LPP: variants seen among roughly 807,000 people sequenced by gnomAD.
LPP encodes LIM domain containing preferred translocation partner in lipoma.
In LPP, 38 loss-of-function variants were observed where a neutral mutation model predicts 60.4. The ratio of observed to expected loss-of-function variants is 0.63; its 90% CI spans 0.49 to 0.83. The LOEUF is 0.83. LPP is among the 40% of genes least tolerant of loss of function. LPP has a pLI of 0.00. For missense variants in LPP, 902 were observed against 783.6 expected (o/e 1.15, Z -1.80); for synonymous variants, 328 against 290.8 (o/e 1.13, Z -1.30).
intron 8 of LPP, among the ~76,000 whole-genome samples, chr3:188,734,283 T>A (rs1721719558): frequency 6.6e-6 from 1 of 152,244 alleles, no homozygotes; most frequent in Non-Finnish European, 1.5e-5. Flanking sequence ...CAGAAACTTA[T>A]TTCTAAATTA....
At chr3:188,240,583 T>A (rs544331717) in intron 2 of LPP, among the ~76,000 whole-genome samples, 2 of 152,302 alleles carry the variant, frequency 1.3e-5, no homozygotes, top group South Asian at 2.1e-4. Context: ...ATTCCACTGT[T>A]ATTGAGTAGT....
At chr3:188,246,410 T>C (rs1471633007) in intron 2 of LPP, among the ~76,000 whole-genome samples, 1 of 152,222 alleles carries the variant, frequency 6.6e-6, no homozygotes, top group East Asian at 1.9e-4. Context: ...TCTCTGCCCC[T>C]TCTCATATCC....
intron 6 of LPP, among the ~76,000 whole-genome samples, chr3:188,542,269 A>G (rs1282257776): frequency 1.3e-5 from 2 of 152,222 alleles, no homozygotes; most frequent in African/African-American, 4.8e-5. Flanking sequence ...CACATTGTAC[A>G]TTAAAGTGCT....
At chr3:188,539,599 C>G (rs1360202216) in intron 6 of LPP, among the ~76,000 whole-genome samples, 1 of 152,106 alleles carries the variant, frequency 6.6e-6, no homozygotes, top group Admixed American at 6.6e-5. Flanking sequence ...AAATGACACT[C>G]TGGTATTTAC....
intron 2 of LPP, among the ~76,000 whole-genome samples, chr3:188,340,274 G>C (rs1762695159): frequency 6.6e-6 from 1 of 152,112 alleles, no homozygotes; most frequent in African/African-American, 2.4e-5. Context: ...GGAATGGTTT[G>C]AGACATAATG....
At chr3:188,559,031 G>A (rs1830096075) in intron 6 of LPP, among the ~76,000 whole-genome samples, 1 of 152,064 alleles carries the variant, frequency 6.6e-6, no homozygotes, top group African/African-American at 2.4e-5. Context: ...TCTAATGCCT[G>A]CACTGCCTCT....
At chr3:188,313,593 C>T (rs1368379915) in intron 2 of LPP, among the ~76,000 whole-genome samples, 5 of 150,630 alleles carry the variant, frequency 3.3e-5, no homozygotes, top group South Asian at 4.2e-4. Context: ...GCCAAGATCC[C>T]GCCACTGCAC....
chr3:188,203,554 T>A (rs1394896166), intron 1 of LPP, among the ~76,000 whole-genome samples: 1 of 101,296 alleles, frequency 9.9e-6, no homozygotes, highest in African/African-American at 4.0e-5. Context: ...TATATATTTT[T>A]AAATATATAT....
chr3:188,693,408 G>A (rs1287526159), intron 7 of LPP, among the ~76,000 whole-genome samples: 1 of 152,144 alleles, frequency 6.6e-6, no homozygotes, highest in Non-Finnish European at 1.5e-5. Context: ...ACCAGGCTTT[G>A]CATAAGGCCC....
At chr3:188,213,939 T>G (rs1410950248) in intron 1 of LPP, among the ~76,000 whole-genome samples, 2 of 139,204 alleles carry the variant, frequency 1.4e-5, no homozygotes, top group Non-Finnish European at 3.1e-5. Flanking sequence ...CAAAGGTGAG[T>G]CCTGATTCTG....
intron 2 of LPP, among the ~76,000 whole-genome samples, chr3:188,324,348 A>G (rs572492020): frequency 6.6e-6 from 1 of 152,086 alleles, no homozygotes; most frequent in Non-Finnish European, 1.5e-5. Context: ...TCCAACGTTC[A>G]TCACCTCCTG....
In LPP at chr3:188,287,010, C is replaced by T. The variant is rs139388719; in HGVS notation, c.-66-54653C>T. 3.8e-3 allele frequency among the ~76,000 whole-genome samples: 578 copies of T among 152,298 alleles called. 3 individuals are homozygous for T. The highest frequency in any genetic ancestry group is 0.013 in the African/African-American group (557 of 41,558). On this transcript the variant is annotated intron_variant, in intron 2 of 11. Coordinates refer to ENST00000617246, the MANE Select transcript of LPP (RefSeq NM_001375462.1). ...CCTCCTCCCAGCTTCAAGCAATTCT[C>T]CTGTCTCAGCCTCCCAAGTAGCTGG...
intron 5 of LPP, among the ~76,000 whole-genome samples, chr3:188,506,509 T>A (rs1441803063): frequency 6.6e-6 from 1 of 152,180 alleles, no homozygotes; most frequent in Non-Finnish European, 1.5e-5. Flanking sequence ...TAAAATAACA[T>A]GGGAGACTTG....
chr3:188,889,804 A>G lies in LPP; in HGVS notation c.*15325A>G, dbSNP rs1771059355. On this transcript the variant is annotated 3_prime_UTR_variant, in exon 12 of 12. Transcript: ENST00000617246. Reference sequence around the variant, plus strand: ...GGATGAATCCAGTTGACTCTTTGGCAAAAGGGTGATACTTTTCACTAAAAA... The same window carrying G: ...GGATGAATCCAGTTGACTCTTTGGCGAAAGGGTGATACTTTTCACTAAAAA... 2 of 215,466 alleles carry G rather than the reference A, an allele frequency of 9.3e-6. No homozygotes were observed. Among genetic ancestry groups the G allele is most frequent in the Non-Finnish European group, 1.9e-5 (2 of 106,874 alleles). 13.3% of individuals were successfully genotyped at this position (215,466 alleles called of 1,614,324 possible). A position where few individuals can be genotyped will look rare whatever the true frequency, so the allele number is the denominator to read the frequency against.
At chr3:188,309,701 A>G (rs1291403740) in intron 2 of LPP, among the ~76,000 whole-genome samples, 3 of 152,190 alleles carry the variant, frequency 2.0e-5, no homozygotes, top group Non-Finnish European at 4.4e-5. Flanking sequence ...TGCCTGTATA[A>G]TATTCATGAA....
chr3:188,155,228 C>G (rs899951857), intron 1 of LPP, among the ~76,000 whole-genome samples: 9 of 152,114 alleles, frequency 5.9e-5, no homozygotes, highest in Admixed American at 4.6e-4. Flanking sequence ...GGCTTCCCTT[C>G]CCTTAGAAGG....
rs149595771 is a variant in LPP, at chr3:188,538,072, G to A, written c.429+13285G>A. On this transcript the variant is annotated intron_variant, in intron 6 of 11. Transcript: ENST00000617246. ...AAAGCTGGACTCCCTACCTCATAGT[G>A]TAAGACACAAATGTAAAGGATAAAA... Among the ~76,000 whole-genome samples, 377 of 152,268 alleles carry A rather than the reference G, an allele frequency of 2.5e-3. 4 individuals carry two copies. Among genetic ancestry groups the A allele is most frequent in the African/African-American group, 8.7e-3 (362 of 41,560 alleles).
chr3:188,536,786 T>C (rs1823761235), intron 6 of LPP, among the ~76,000 whole-genome samples: 2 of 152,218 alleles, frequency 1.3e-5, no homozygotes, highest in Admixed American at 1.3e-4. Context: ...GTCAGATATA[T>C]GAACCCATAA....
At chr3:188,453,045 G>T (rs756547530) in intron 4 of LPP, among the ~76,000 whole-genome samples, 1 of 152,106 alleles carries the variant, frequency 6.6e-6, no homozygotes, top group Non-Finnish European at 1.5e-5. Flanking sequence ...TTCTTAGGTG[G>T]ACCAACCTCT....
Sources: allele counts gnomAD v4.1 joint callset (sites outside exome capture counted in the v4.1 genomes callset), GRCh38; gene constraint gnomAD v4.1.1; transcripts MANE v1.5; gene names NCBI Gene and HGNC (gene_info 2026-07-23, HGNC 2026-07-21).